FHIT: variants seen among roughly 807,000 people sequenced by gnomAD.
FHIT encodes bis(5'-adenosyl)-triphosphatase.
FHIT carries 19 observed loss-of-function variants against 17.9 expected under a neutral mutation model. That is an observed-to-expected ratio of 1.06 (90% CI 0.74 to 1.56). The LOEUF (loss-of-function observed/expected upper bound fraction) is 1.56, where lower values mean the gene tolerates loss of function less well. FHIT is among the 40% of genes most tolerant of loss of function. The pLI is 0.00. For missense variants in FHIT, 248 were observed against 189.2 expected (o/e 1.31, Z -1.82); for synonymous variants, 81 against 69.7 (o/e 1.16, Z -0.81).
chr3:60,937,859 G>C (rs1297823357), intron 3 of FHIT, among the ~76,000 whole-genome samples: 1 of 152,004 alleles, frequency 6.6e-6, no homozygotes, highest in African/African-American at 2.4e-5. Flanking sequence ...ACCACGCCCG[G>C]CCCTCTGCTA....
At chr3:60,920,042 A>T (rs1362205727) in intron 3 of FHIT, among the ~76,000 whole-genome samples, 1 of 152,166 alleles carries the variant, frequency 6.6e-6, no homozygotes, top group Non-Finnish European at 1.5e-5. Context: ...TCAAAAAAAA[A>T]AAAAAAGAGT....
intron 5 of FHIT, among the ~76,000 whole-genome samples, chr3:60,449,236 G>C (rs369144325): frequency 2.1e-4 from 32 of 152,272 alleles, no homozygotes; most frequent in Middle Eastern, 3.4e-3. Flanking sequence ...ACAGGAAAGA[G>C]AACCAGTGCC....
chr3:60,486,457 T>C (rs969021016), intron 5 of FHIT, among the ~76,000 whole-genome samples: 7 of 152,126 alleles, frequency 4.6e-5, no homozygotes, highest in Admixed American at 1.3e-4. Context: ...CCAAAGCTCC[T>C]AACATCAAAC....
At chr3:61,213,576 T>C (rs544335934) in intron 1 of FHIT, among the ~76,000 whole-genome samples, 1 of 152,342 alleles carries the variant, frequency 6.6e-6, no homozygotes, top group South Asian at 2.1e-4. Flanking sequence ...AACAACCCAC[T>C]GTCAACATTA....
intron 5 of FHIT, among the ~76,000 whole-genome samples, chr3:60,364,660 G>C (rs145981796): frequency 6.6e-6 from 1 of 152,208 alleles, no homozygotes; most frequent in South Asian, 2.1e-4. Context: ...ACTGAGCTAA[G>C]AGATGCCCAG....
At chr3:60,534,531 A>G (rs996914731) in intron 5 of FHIT, among the ~76,000 whole-genome samples, 11 of 151,850 alleles carry the variant, frequency 7.2e-5, no homozygotes, top group Non-Finnish European at 1.5e-4. Flanking sequence ...TTACAAAATC[A>G]TCACATAAAA....
chr3:59,753,272 G>T (rs1376655210), intron 8 of FHIT, among the ~76,000 whole-genome samples: 1 of 152,228 alleles, frequency 6.6e-6, no homozygotes, highest in Non-Finnish European at 1.5e-5. Context: ...CAGTAAAAAA[G>T]AGATTAAATG....
At chr3:59,856,576 T>C (rs1329544678) in intron 8 of FHIT, among the ~76,000 whole-genome samples, 6 of 152,236 alleles carry the variant, frequency 3.9e-5, no homozygotes, top group South Asian at 4.1e-4. Flanking sequence ...GTATACTCAA[T>C]TGTAAGGCAT....
chr3:60,893,131 C>T (rs62251567), intron 3 of FHIT, among the ~76,000 whole-genome samples: 1,931 of 152,222 alleles, frequency 0.013, 25 homozygotes, highest in Non-Finnish European at 0.021. Context: ...TGTGAGAGGT[C>T]CCTCCCTAAA....
At chr3:60,658,885 G>A (rs141079663) in intron 4 of FHIT, among the ~76,000 whole-genome samples, 2 of 150,694 alleles carry the variant, frequency 1.3e-5, no homozygotes, top group African/African-American at 2.4e-5. Context: ...TACTATTAGT[G>A]TCCTTTCATT....
At chr3:60,766,862 C>A (rs886971536) in intron 4 of FHIT, among the ~76,000 whole-genome samples, 4 of 152,200 alleles carry the variant, frequency 2.6e-5, no homozygotes, top group Non-Finnish European at 5.9e-5. Context: ...GAAGAAGTCA[C>A]AGTTCAGTGT....
chr3:61,007,437 T>C (rs2031526998), intron 3 of FHIT, among the ~76,000 whole-genome samples: 1 of 152,172 alleles, frequency 6.6e-6, no homozygotes, highest in Non-Finnish European at 1.5e-5. Context: ...TCAGTGGAGG[T>C]AAGAAGTTTC....
intron 5 of FHIT, among the ~76,000 whole-genome samples, chr3:60,072,321 A>T (rs1440193496): frequency 1.3e-5 from 2 of 152,184 alleles, no homozygotes; most frequent in African/African-American, 4.8e-5. Context: ...ATTTGGTGCT[A>T]ATGTTAAGAA....
rs372306977 is a variant in FHIT, at chr3:60,782,837, G to A, written c.-18+39082C>T. On this transcript the variant is annotated intron_variant, in intron 4 of 9. Coordinates refer to ENST00000492590, the MANE Select transcript of FHIT (RefSeq NM_002012.4). ...ATTGTTTCTGTATCCTCACGTGGACGAAGGCAGAAGGGTAAACAGGCATAA... is the reference window on the plus strand; with the variant it reads ...ATTGTTTCTGTATCCTCACGTGGACAAAGGCAGAAGGGTAAACAGGCATAA... 3.9e-4 allele frequency among the ~76,000 whole-genome samples: 60 copies of A among 152,236 alleles called. No individual in the cohort carries two copies. The East Asian group carries it at 8.9e-3, about 23-fold the overall frequency.
chr3:60,400,577 G>C (rs1316994249), intron 5 of FHIT, among the ~76,000 whole-genome samples: 1 of 152,120 alleles, frequency 6.6e-6, no homozygotes, highest in Non-Finnish European at 1.5e-5. Context: ...TCACCAAGGG[G>C]AAGAGCTGAG....
At chr3:60,061,265 G>A (rs1400822462) in intron 5 of FHIT, among the ~76,000 whole-genome samples, 1 of 152,206 alleles carries the variant, frequency 6.6e-6, no homozygotes, top group South Asian at 2.1e-4. Context: ...AAATCACAGT[G>A]AGACTCTGGA....
chr3:60,805,280 T>C (rs567425087), intron 4 of FHIT, among the ~76,000 whole-genome samples: 66 of 152,184 alleles, frequency 4.3e-4, no homozygotes, highest in Non-Finnish European at 7.6e-4. Context: ...ACACCAAGGA[T>C]TGTGTGGCTT....
At chr3:60,358,372 G>A (rs964799097) in intron 5 of FHIT, among the ~76,000 whole-genome samples, 2 of 151,878 alleles carry the variant, frequency 1.3e-5, no homozygotes, top group African/African-American at 4.8e-5. Flanking sequence ...GCCATGAATT[G>A]AAACCAAGGA....
chr3:60,991,478 C>T (rs12638248), intron 3 of FHIT, among the ~76,000 whole-genome samples: 1 of 151,942 alleles, frequency 6.6e-6, no homozygotes, highest in African/African-American at 2.4e-5. Flanking sequence ...GCTGTCTGGG[C>T]GTCATGGGGG....
Sources: allele counts gnomAD v4.1 joint callset (sites outside exome capture counted in the v4.1 genomes callset), GRCh38; gene constraint gnomAD v4.1.1; transcripts MANE v1.5; gene names NCBI Gene and HGNC (gene_info 2026-07-23, HGNC 2026-07-21).